The following FNDC1 variants were observed in gnomAD, a reference collection of about 807,000 sequenced individuals.
The protein encoded by FNDC1 is fibronectin type III domain containing 1.
Under a neutral mutation model 168.0 loss-of-function variants are expected in FNDC1, and 96 were observed. The ratio of observed to expected loss-of-function variants is 0.57; its 90% CI spans 0.48 to 0.68. The LOEUF (loss-of-function observed/expected upper bound fraction) is 0.68. Among genes scored for constraint, FNDC1 ranks in the 30% least tolerant of loss-of-function variants. The pLI, the probability that FNDC1 is intolerant of heterozygous loss-of-function variation, is 0.00. For missense variants in FNDC1, 2,587 were observed against 2,482.1 expected (o/e 1.04, Z -0.90); for synonymous variants, 1,099 against 1,025.9 (o/e 1.07, Z -1.36).
chr6:159,263,895 C>T (rs369484436), intron 19 of FNDC1, among the ~76,000 whole-genome samples: 12 of 152,220 alleles, frequency 7.9e-5, no homozygotes, highest in Admixed American at 7.9e-4. Flanking sequence ...GTGGAGGTTG[C>T]AGTGAGCCGA....
chr6:159,244,553 A>G (rs1004665138), intron 14 of FNDC1, among the ~76,000 whole-genome samples: 46 of 152,332 alleles, frequency 3.0e-4, no homozygotes, highest in African/African-American at 1.1e-3. Context: ...TTGTTTTTAC[A>G]ATGTAATATT....
intron 9 of FNDC1, among the ~76,000 whole-genome samples, chr6:159,227,646 C>T (rs1376604877): frequency 4.9e-4 from 67 of 135,996 alleles, no homozygotes; most frequent in African/African-American, 1.5e-3. Flanking sequence ...TCTTCTTTCT[C>T]TTTTTTTTTT....
rs1190597320 is a variant in FNDC1 at position 159,234,064 on chromosome 6, C to T, written c.3552C>T (p.Asp1184=). The change falls in exon 11 of 23, where the codon GAC becomes GAT. Residue 1184 remains aspartate (D), a synonymous_variant. Coordinates refer to ENST00000297267, the MANE Select transcript of FNDC1 (RefSeq NM_032532.3). ...CAGCCGAGGACGACGAGGAGGAGGA[C>T]GCGGGATTTTTTAAAGGCGGGAAAG... ...SVSAEDDEEE[D]AGFFKGGKED... 6.2e-7 allele frequency: 1 copy of T among 1,612,514 alleles called. No homozygotes were observed. Among genetic ancestry groups the T allele is most frequent in the Non-Finnish European group, 8.5e-7 (1 of 1,179,394 alleles).
intron 18 of FNDC1, among the ~76,000 whole-genome samples, chr6:159,257,979 G>A (rs1030880485): frequency 6.9e-6 from 1 of 145,164 alleles, no homozygotes; most frequent in African/African-American, 2.6e-5. Context: ...AAAAAGCCAA[G>A]AGGCCTTCCA....
chr6:159,250,131 G>C (rs1227776914), intron 16 of FNDC1, among the ~76,000 whole-genome samples: 1 of 152,090 alleles, frequency 6.6e-6, no homozygotes, highest in Admixed American at 6.5e-5. Flanking sequence ...TCCTCTAAAC[G>C]CTAAAGGCTT....
chr6:159,201,897 GT>G (rs1782387980), intron 4 of FNDC1, among the ~76,000 whole-genome samples: 1 of 152,168 alleles, frequency 6.6e-6, no homozygotes, highest in Non-Finnish European at 1.5e-5. Flanking sequence ...TTTAGAACAA[GT>G]GATTTTCTTG....
chr6:159,200,097 G>T lies in FNDC1; in HGVS notation c.391+15G>T, dbSNP rs750244979. On this transcript the variant is annotated intron_variant, in intron 3 of 22. Transcript: ENST00000297267. ...AAGCCCACCTGGTAAGTCCTATCTA[G>T]AATCAGAGGCTGTAGTGTTGTTACT... 1.3e-6 allele frequency: 2 copies of T among 1,561,942 alleles called. No individual in the cohort carries two copies. The highest frequency in any genetic ancestry group is 4.6e-5 in the East Asian group (2 of 43,334).
At chr6:159,188,264 C>G (rs1782044738) in intron 1 of FNDC1, among the ~76,000 whole-genome samples, 1 of 152,128 alleles carries the variant, frequency 6.6e-6, no homozygotes, top group South Asian at 2.1e-4. Context: ...GTAACTTAGT[C>G]TGTCCTCACT....
In FNDC1 at chr6:159,250,629, G is replaced by A. The variant is rs575216031; in HGVS notation, c.4835-673G>A. Among the ~76,000 whole-genome samples the A allele has an allele frequency of 8.5e-5, 13 of 152,322 alleles. No individual in the cohort carries two copies. The East Asian group carries it at 2.5e-3, about 29-fold the overall frequency. ...TACTCTCAGCGTTGGCAGGCGAGATGGTAACATGAGGCCATCGGTTCATAT... is the reference window on the plus strand; with the variant it reads ...TACTCTCAGCGTTGGCAGGCGAGATAGTAACATGAGGCCATCGGTTCATAT... On this transcript the variant is annotated intron_variant, in intron 16 of 22. Transcript: ENST00000297267.
At chr6:159,221,970 G>A (rs1406600505) in intron 6 of FNDC1, among the ~76,000 whole-genome samples, 1 of 152,202 alleles carries the variant, frequency 6.6e-6, no homozygotes, top group Non-Finnish European at 1.5e-5. Flanking sequence ...GTTCATTCCA[G>A]TAAAGGTGCA....
Position 159,232,670 on chromosome 6 carries a change from TC to T in FNDC1, c.2159del (p.Ser720PhefsTer17), listed in dbSNP as rs781400216. On this transcript the variant is annotated frameshift_variant, in exon 11 of 23. Transcript: ENST00000297267. LOFTEE classifies it high-confidence loss of function. This position sits in a 1 kb window ranked among gnomAD's most constrained non-coding sequence, Gnocchi z 4.9. ...TGCCTCAGCCCCACCCTCAAGACTT[TC>T]TCCACCCCATGGGGGATCATCTCGG... ...SSASAPPSRLSPPHGGSSRLL... is the reference protein window; with the variant it reads ...SSASAPPSRLXPPHGGSSRLL... The T allele has an allele frequency of 3.1e-6, 5 of 1,613,372 alleles. No homozygotes were observed. In the South Asian group the frequency reaches 4.4e-5, roughly 14 times the overall value.
chr6:159,206,491 G>T (rs1429893099), intron 4 of FNDC1, among the ~76,000 whole-genome samples: 1 of 152,200 alleles, frequency 6.6e-6, no homozygotes, highest in Non-Finnish European at 1.5e-5. Flanking sequence ...GGAGACATTT[G>T]TTCAGTGGAA....
chr6:159,256,221 G>A (rs898265679), intron 17 of FNDC1, among the ~76,000 whole-genome samples: 1 of 152,160 alleles, frequency 6.6e-6, no homozygotes, highest in Admixed American at 6.5e-5. Context: ...GTTTTTCTCT[G>A]TGTGATCAAG....
chr6:159,182,792 T>A (rs1198343422), intron 1 of FNDC1, among the ~76,000 whole-genome samples: 1 of 152,250 alleles, frequency 6.6e-6, no homozygotes, highest in Non-Finnish European at 1.5e-5. Context: ...CCTGGGTCTG[T>A]CCAGTCATGG....
chr6:159,267,780 G>A, intron 21 of FNDC1, 24 bp from the exon 22 acceptor site: 3 of 1,613,292 alleles, frequency 1.9e-6, no homozygotes, highest in Non-Finnish European at 1.7e-6. Flanking sequence ...CCTAGTCATG[G>A]ACTCAATCAA....
chr6:159,261,072 G>C (rs1383814257), intron 18 of FNDC1, 118 bp from the exon 19 acceptor site: 4 of 712,426 alleles, frequency 5.6e-6, no homozygotes, highest in Non-Finnish European at 7.2e-6. Context: ...GTATGCATTT[G>C]TAAAAAGTAG....
intron 4 of FNDC1, among the ~76,000 whole-genome samples, chr6:159,209,398 A>G (rs556768485): frequency 1.3e-5 from 2 of 152,334 alleles, no homozygotes; most frequent in African/African-American, 4.8e-5. Flanking sequence ...TGGCCCCAGG[A>G]TAGCTTAAAG....
At chr6:159,203,317 C>T (rs576642727) in intron 4 of FNDC1, among the ~76,000 whole-genome samples, 24 of 152,144 alleles carry the variant, frequency 1.6e-4, no homozygotes, top group East Asian at 5.8e-4. Flanking sequence ...ATGGGAGTGA[C>T]GGTTTGGGAG....
intron 2 of FNDC1, among the ~76,000 whole-genome samples, chr6:159,198,567 G>A (rs771804588): frequency 6.6e-6 from 1 of 152,128 alleles, no homozygotes; most frequent in Non-Finnish European, 1.5e-5. Context: ...CGTCACCTTG[G>A]CTCCCCAAGT....
Sources: gnomAD v4.1 joint callset for allele counts (sites outside exome capture counted in the v4.1 genomes callset) on GRCh38, gnomAD v4.1.1 for gene constraint, Gnocchi (gnomAD v3.1) non-coding constraint, MANE v1.5 for transcripts, NCBI Gene and HGNC (gene_info 2026-07-23, HGNC 2026-07-21) for gene names.